SLC35D1: variants seen among roughly 807,000 people sequenced by gnomAD.
The protein encoded by SLC35D1 is nucleotide sugar transporter SLC35D1.
In SLC35D1, 31 loss-of-function variants were observed where a neutral mutation model predicts 46.7. That is an observed-to-expected ratio of 0.66 (90% CI 0.50 to 0.90). SLC35D1 has a LOEUF of 0.90. Ranked by LOEUF, SLC35D1 falls within the 40% of genes least tolerant of loss-of-function variation. The probability of loss-of-function intolerance (pLI) is 0.00; values close to 1 mark genes in which losing one functional copy is unlikely to be tolerated. For missense variants in SLC35D1, 397 were observed against 426.2 expected (o/e 0.93, Z 0.60); for synonymous variants, 195 against 164.6 (o/e 1.18, Z -1.41).
chr1:67,053,290 C>T (rs1645330828), intron 1 of SLC35D1, among the ~76,000 whole-genome samples: 1 of 103,896 alleles, frequency 9.6e-6, no homozygotes, highest in South Asian at 4.5e-4. Context: ...ATTTCACACA[C>T]CTTAAAAAAA....
chr1:67,009,258 T>C, intron 10 of SLC35D1, 91 bp from the exon 11 acceptor site: 1 of 474,036 alleles, frequency 2.1e-6, no homozygotes, highest in Non-Finnish European at 3.8e-6. Flanking sequence ...GTCCTTAAAA[T>C]ACAAAAACAA....
chr1:67,053,883 A>G lies in SLC35D1; in HGVS notation c.131T>C (p.Leu44Pro), dbSNP rs1393638664. ...GCTCACGCCGTAAAAGCCGGCGGCCAGCAGCTTCAGAAACACGGTCAGCGT... is the reference window on the plus strand; with the variant it reads ...GCTCACGCCGTAAAAGCCGGCGGCCGGCAGCTTCAGAAACACGGTCAGCGT... Reference protein sequence around the residue: ...AETLTVFLKLLAAGFYGVSSF... With the variant: ...AETLTVFLKLPAAGFYGVSSF... Residue 44 changes from leucine to proline, a missense_variant, in exon 1 of 12, where the codon CTG becomes CCG. By Grantham distance (98) the Leu-to-Pro change is moderately conservative. Transcript: ENST00000235345. 1 of 1,613,674 alleles carries G rather than the reference A, an allele frequency of 6.2e-7. No homozygotes were observed. The highest frequency in any genetic ancestry group is 1.7e-5 in the Admixed American group (1 of 60,010).
intron 4 of SLC35D1, 130 bp from the exon 5 acceptor site, chr1:67,050,634 T>A (rs1316863870): frequency 1.3e-6 from 1 of 746,798 alleles, no homozygotes; most frequent in Non-Finnish European, 2.3e-6. Context: ...AATTTATGGT[T>A]AAACCCCTGC....
intron 8 of SLC35D1, among the ~76,000 whole-genome samples, chr1:67,023,915 T>C (rs1000201020): frequency 6.6e-6 from 1 of 151,914 alleles, no homozygotes; most frequent in Non-Finnish European, 1.5e-5. Context: ...AATACAAATA[T>C]TTTTTCCCAG....
chr1:67,034,066 C>T (rs1668075422), intron 8 of SLC35D1, among the ~76,000 whole-genome samples: 2 of 152,328 alleles, frequency 1.3e-5, no homozygotes, highest in East Asian at 3.9e-4. Context: ...GTTTTTATGA[C>T]AGTACCATGC....
In SLC35D1 at chr1:67,039,440, A is replaced by T. The variant is rs184724403; in HGVS notation, c.729+2796T>A. On this transcript the variant is annotated intron_variant, in intron 8 of 11. Coordinates refer to ENST00000235345, the MANE Select transcript of SLC35D1 (RefSeq NM_015139.3). ...CCCTGTTCCCACAATATGCACAAAA[A>T]TTTATTAGTTTCATGTATATTTTTC... Among the ~76,000 whole-genome samples the T allele has an allele frequency of 7.7e-4, 117 of 151,868 alleles. 1 individual carries two copies. The East Asian group carries it at 0.021, about 27-fold the overall frequency.
At chr1:67,014,253 C>T (rs1191556029) in intron 10 of SLC35D1, among the ~76,000 whole-genome samples, 2 of 152,170 alleles carry the variant, frequency 1.3e-5, no homozygotes, top group East Asian at 3.8e-4. Flanking sequence ...CACATTCAAA[C>T]TCCTTTTAAA....
intron 10 of SLC35D1, among the ~76,000 whole-genome samples, chr1:67,015,758 T>C (rs6588231): frequency 0.19 from 29,000 of 152,092 alleles, 5,070 homozygotes; most frequent in African/African-American, 0.47. Context: ...TTATTTACCT[T>C]CTAAATAAAT....
At chr1:67,032,126 A>G (rs1570629248) in intron 8 of SLC35D1, 1 of 980,518 alleles carries the variant, frequency 1.0e-6, no homozygotes, top group Non-Finnish European at 1.2e-6. Flanking sequence ...GATTTAATAA[A>G]CAAAGATGCT....
chr1:67,048,512 G>C (rs540188672), intron 6 of SLC35D1, among the ~76,000 whole-genome samples: 39 of 152,278 alleles, frequency 2.6e-4, no homozygotes, highest in African/African-American at 8.9e-4. Flanking sequence ...AACCAATTAC[G>C]CCACTCTCTT....
At chr1:67,028,873 A>AT (rs1310591768) in intron 8 of SLC35D1, among the ~76,000 whole-genome samples, 1 of 151,938 alleles carries the variant, frequency 6.6e-6, no homozygotes, top group Non-Finnish European at 1.5e-5. Flanking sequence ...CAATTCAGAT[A>AT]TTTTTCATCC....
At chr1:67,050,670 G>A (rs1451516041) in intron 4 of SLC35D1, among the ~76,000 whole-genome samples, 166 bp from the exon 5 acceptor site, 1 of 152,156 alleles carries the variant, frequency 6.6e-6, no homozygotes, top group Non-Finnish European at 1.5e-5. Flanking sequence ...ATTCCTACTT[G>A]AAAGCCTACA....
At chr1:66,986,650 C>G in the SLC35D1 span, 2 of 537,564 alleles carry the variant, frequency 3.7e-6, no homozygotes, top group South Asian at 5.7e-5. Flanking sequence ...TTAAAAGCCA[C>G]TTTGCAACAC....
At chr1:67,005,667 T>C (rs1458503126) in intron 11 of SLC35D1, among the ~76,000 whole-genome samples, 8 of 152,144 alleles carry the variant, frequency 5.3e-5, no homozygotes, top group African/African-American at 1.9e-4. Flanking sequence ...CCCTCCAAGG[T>C]GTCCATTTTA....
chr1:67,035,428 G>A (rs552114553), intron 8 of SLC35D1, among the ~76,000 whole-genome samples: 6 of 152,212 alleles, frequency 3.9e-5, no homozygotes, highest in Admixed American at 3.9e-4. Flanking sequence ...TTGGTAGGTT[G>A]TATGTGTCCA....
the SLC35D1 span, chr1:66,988,626 G>A: frequency 6.6e-6 from 1 of 152,224 alleles, no homozygotes; most frequent in Non-Finnish European, 1.5e-5. Context: ...TTGCTCTTGA[G>A]TAAGAAGTAA....
Position 67,049,859 on chromosome 1 carries a change from C to CA in SLC35D1, c.465-10dup. 1 of 1,606,772 alleles carries CA rather than the reference C, an allele frequency of 6.2e-7. No homozygotes were observed. The highest frequency in any genetic ancestry group is 1.7e-4 in the Middle Eastern group (1 of 6,036). On this transcript the variant is annotated splice_polypyrimidine_tract_variant and intron_variant, in intron 5 of 11. Coordinates refer to ENST00000235345, the MANE Select transcript of SLC35D1 (RefSeq NM_015139.3). Reference sequence around the variant, plus strand: ...CCCAAGAAAAAGTCTTCCTACAAAACAAAAAATTTTAAAATACACACATGA... The same window carrying CA: ...CCCAAGAAAAAGTCTTCCTACAAAACAAAAAAATTTTAAAATACACACATGA...
At chr1:67,053,025 C>G (rs1645327443) in intron 1 of SLC35D1, 36 bp from the exon 2 acceptor site, 3 of 1,612,498 alleles carry the variant, frequency 1.9e-6, no homozygotes, top group Non-Finnish European at 2.5e-6. Flanking sequence ...AAGATCAGAA[C>G]AAACCTAACT....
At position 67,050,638 on chromosome 1, in the gene SLC35D1, C is replaced by T. The variant is rs548919183; in HGVS notation, c.393-134G>A. Reference sequence around the variant, plus strand: ...CCATACAAATTAATTTATGGTTAAACCCCTGCTTCTCTCTAGAAGCAATTC... The same window carrying T: ...CCATACAAATTAATTTATGGTTAAATCCCTGCTTCTCTCTAGAAGCAATTC... On this transcript the variant is annotated intron_variant, in intron 4 of 11. Transcript: ENST00000235345. 205 of 735,430 alleles carry T rather than the reference C, an allele frequency of 2.8e-4. No individual in the cohort carries two copies. The African/African-American group carries it at 3.1e-3, about 11-fold the overall frequency. The allele number at this position is 735,430 out of a possible 1,614,324, so 45.6% of individuals were successfully genotyped here.
Sources: gnomAD v4.1 joint callset for allele counts (sites outside exome capture counted in the v4.1 genomes callset) on GRCh38, gnomAD v4.1.1 for gene constraint, MANE v1.5 for transcripts, NCBI Gene and HGNC (gene_info 2026-07-23, HGNC 2026-07-21) for gene names.